The following OTC variants were observed in gnomAD, a reference collection of about 807,000 sequenced individuals.
The protein encoded by OTC is ornithine transcarbamylase, also known as ornithine transcarbamylase, mitochondrial.
In OTC, 3 loss-of-function variants were observed where a neutral mutation model predicts 30.3. The ratio of observed to expected loss-of-function variants is 0.10; its 90% CI spans 0.05 to 0.26. The LOEUF is 0.26. Among genes scored for constraint, OTC ranks in the 10% least tolerant of loss-of-function variants. OTC has a pLI of 1.00. For missense variants in OTC, 194 were observed against 260.3 expected, an observed-to-expected ratio of 0.75 and a Z score of 1.75; for synonymous variants, 111 against 99.7, an observed-to-expected ratio of 1.11 and a Z score of -0.67.
At chrX:38,373,492 A>G (rs886792822) in intron 3 of OTC, 5 of 112,816 alleles carry the variant, frequency 4.4e-5, no homozygotes, top group Non-Finnish European at 9.4e-5. Flanking sequence ...TGATAGACAG[A>G]TACATTTATT....
the OTC span, among the ~76,000 whole-genome samples, chrX:38,343,571 G>A: frequency 1.2e-4 from 13 of 112,107 alleles, no homozygotes; most frequent in East Asian, 3.6e-3. Flanking sequence ...ATTGTGTTGT[G>A]CATTTCCTAA....
At chrX:38,373,805 G>A (rs2068333242) in intron 3 of OTC, 1 of 112,278 alleles carries the variant, frequency 8.9e-6, no homozygotes, top group South Asian at 3.7e-4. Context: ...AAGCAGGCAG[G>A]GATCTATGGG....
intron 3 of OTC, among the ~76,000 whole-genome samples, chrX:38,372,162 A>C (rs967215264): frequency 4.5e-5 from 5 of 112,112 alleles, no homozygotes; most frequent in Middle Eastern, 4.2e-3. Context: ...TTCACCATTT[A>C]TAATAATGTG....
chrX:38,412,825 G>A (rs2068550529), intron 9 of OTC, among the ~76,000 whole-genome samples: 1 of 112,064 alleles, frequency 8.9e-6, no homozygotes, highest in Admixed American at 9.5e-5. Context: ...AGGAAGTGCA[G>A]TGAATAATTC....
chrX:38,377,382 C>T (rs1414098146), intron 3 of OTC, among the ~76,000 whole-genome samples: 1 of 111,226 alleles, frequency 9.0e-6, no homozygotes, highest in Non-Finnish European at 1.9e-5. Context: ...TTCAAATAAC[C>T]TAATGATGCA....
At chrX:38,379,673 C>T (rs1040043763) in intron 3 of OTC, among the ~76,000 whole-genome samples, 2 of 110,141 alleles carry the variant, frequency 1.8e-5, no homozygotes, top group African/African-American at 6.6e-5. Context: ...CTTGCTCTGT[C>T]ACCCAGGGTG....
chrX:38,333,140 G>A, the OTC span, among the ~76,000 whole-genome samples: 13 of 106,739 alleles, frequency 1.2e-4, no homozygotes, highest in South Asian at 4.4e-4. Context: ...ACTTGAACTC[G>A]GGAGGCGGAG....
chrX:38,411,197 CA>C (rs1189623742), intron 8 of OTC, among the ~76,000 whole-genome samples: 1 of 109,623 alleles, frequency 9.1e-6, no homozygotes, highest in African/African-American at 3.3e-5. Flanking sequence ...ATTATCACAC[CA>C]AAGCAACTTT....
At chrX:38,391,282 A>C (rs2147335862) in intron 4 of OTC, among the ~76,000 whole-genome samples, 1 of 111,215 alleles carries the variant, frequency 9.0e-6, no homozygotes, top group East Asian at 2.8e-4. Flanking sequence ...ATTAGGAGAT[A>C]TACCTAATGT....
chrX:38,340,459 G>GTTTTTTTTTTTTGT, the OTC span, among the ~76,000 whole-genome samples: 5 of 60,533 alleles, frequency 8.3e-5, no homozygotes, highest in African/African-American at 2.6e-4. Flanking sequence ...TTGTTTTTTT[G>GTTTTTTTTTTTTGT]TTTTTTTTTT....
chrX:38,422,596 G>A (rs2068601075), downstream of OTC, among the ~76,000 whole-genome samples: 1 of 111,929 alleles, frequency 8.9e-6, no homozygotes, highest in East Asian at 2.8e-4. Context: ...GAAAGAACTT[G>A]TAATAATTTT....
chrX:38,403,786 C>G (rs998744836), intron 6 of OTC, 46 bp downstream of exon 6: 4 of 1,174,314 alleles, frequency 3.4e-6, no homozygotes, highest in Non-Finnish European at 4.6e-6. Flanking sequence ...CTTAAATCAT[C>G]CTCAGATGCA....
At chrX:38,377,282 C>T (rs1027667146) in intron 3 of OTC, among the ~76,000 whole-genome samples, 3 of 111,143 alleles carry the variant, frequency 2.7e-5, no homozygotes, top group Admixed American at 9.6e-5. Flanking sequence ...AATGGAAGCA[C>T]AGCATATTAA....
intron 9 of OTC, among the ~76,000 whole-genome samples, chrX:38,418,165 A>T (rs181902368): frequency 4.3e-4 from 48 of 111,779 alleles, no homozygotes; most frequent in Middle Eastern, 4.7e-3. Context: ...TCATTTTTTT[A>T]AAAATAAAAG....
At chrX:38,375,410 G>A (rs1019288087) in intron 3 of OTC, among the ~76,000 whole-genome samples, 7 of 112,059 alleles carry the variant, frequency 6.2e-5, no homozygotes, top group Non-Finnish European at 1.1e-4. Context: ...GGAATAGACT[G>A]TGGGGAGCCC....
intron 6 of OTC, among the ~76,000 whole-genome samples, chrX:38,404,569 T>C (rs1420973238): frequency 8.9e-6 from 1 of 112,120 alleles, no homozygotes; most frequent in Non-Finnish European, 1.9e-5. Context: ...TTTTTATTTA[T>C]ATATATTCTT....
chrX:38,330,427 A>G, the OTC span, among the ~76,000 whole-genome samples: 1 of 112,621 alleles, frequency 8.9e-6, no homozygotes, highest in African/African-American at 3.2e-5. Context: ...AGAGAAAACT[A>G]GCACACCATA....
chrX:38,392,591 T>G (rs1263915809), intron 4 of OTC, among the ~76,000 whole-genome samples: 2 of 112,182 alleles, frequency 1.8e-5, no homozygotes, highest in Non-Finnish European at 3.8e-5. Flanking sequence ...TTCTAGCAAT[T>G]TTAAGCATGA....
the OTC span, among the ~76,000 whole-genome samples, chrX:38,335,224 G>A: frequency 3.6e-5 from 4 of 111,614 alleles, no homozygotes; most frequent in Admixed American, 1.9e-4. Context: ...TGGGCAAGCT[G>A]CTTACTCTCT....
Sources: gnomAD v4.1 joint callset for allele counts (sites outside exome capture counted in the v4.1 genomes callset) on GRCh38, gnomAD v4.1.1 for gene constraint, MANE v1.5 for transcripts, NCBI Gene and HGNC (gene_info 2026-07-23, HGNC 2026-07-21) for gene names.